SLC44A5: variants seen among roughly 807,000 people sequenced by gnomAD.
SLC44A5 encodes solute carrier family 44 member 5.
Under a neutral mutation model 101.8 loss-of-function variants are expected in SLC44A5, and 57 were observed. That is an observed-to-expected ratio of 0.56 (90% confidence interval 0.45 to 0.70). The LOEUF (loss-of-function observed/expected upper bound fraction) is 0.70. Among genes scored for constraint, SLC44A5 ranks in the 30% least tolerant of loss-of-function variants. SLC44A5 has a pLI of 0.00. For missense variants in SLC44A5, 737 were observed against 853.1 expected, an observed-to-expected ratio of 0.86 and a Z score of 1.70; for synonymous variants, 281 against 290.9, an observed-to-expected ratio of 0.97 and a Z score of 0.35.
At chr1:75,628,465 A>G in the SLC44A5 span, among the ~76,000 whole-genome samples, 1 of 152,120 alleles carries the variant, frequency 6.6e-6, no homozygotes, top group Non-Finnish European at 1.5e-5. Context: ...TTTCTTCCAT[A>G]AGCTGTGTTT....
chr1:75,573,709 T>C (rs1190782111), intron 1 of SLC44A5, among the ~76,000 whole-genome samples: 2 of 152,102 alleles, frequency 1.3e-5, no homozygotes, highest in Admixed American at 1.3e-4. Context: ...CGATTTATTG[T>C]ATGAAACAAG....
In SLC44A5 at chr1:75,363,768, T is replaced by G. The variant is rs893698332; in HGVS notation, c.53-24138A>C. ...TATGTATTACTTATTTGATTGACTT[T>G]TGTACTTTCATGTGTTTTATGTTGT... On this transcript the variant is annotated intron_variant, in intron 3 of 23. Coordinates refer to ENST00000370859, the MANE Select transcript of SLC44A5 (RefSeq NM_001130058.2). 3.3e-5 allele frequency among the ~76,000 whole-genome samples: 5 copies of G among 152,306 alleles called. No homozygotes were observed. The East Asian group carries it at 9.6e-4, about 29-fold the overall frequency.
the SLC44A5 span, among the ~76,000 whole-genome samples, chr1:75,680,673 T>C: frequency 6.6e-6 from 1 of 150,740 alleles, no homozygotes; most frequent in African/African-American, 2.4e-5. Context: ...AGATCCAAAA[T>C]TGACACCCTA....
At chr1:75,323,051 A>G (rs1408705381) in intron 4 of SLC44A5, among the ~76,000 whole-genome samples, 1 of 150,316 alleles carries the variant, frequency 6.7e-6, no homozygotes, top group African/African-American at 2.5e-5. Context: ...CTAACTCGTC[A>G]TCTAGCATTA....
chr1:75,445,637 G>C (rs920735085), intron 2 of SLC44A5, among the ~76,000 whole-genome samples: 1 of 126,304 alleles, frequency 7.9e-6, no homozygotes, highest in African/African-American at 2.9e-5. Context: ...TCAGTCCTCA[G>C]ATATCTTCTT....
chr1:75,677,960 G>A, the SLC44A5 span: 1 of 195,616 alleles, frequency 5.1e-6, no homozygotes, highest in African/African-American at 2.4e-5. Context: ...GAAGTGCAAG[G>A]GGTCAGGGAG....
intron 1 of SLC44A5, among the ~76,000 whole-genome samples, chr1:75,543,112 G>A (rs918131021): frequency 6.4e-4 from 97 of 152,006 alleles, no homozygotes; most frequent in African/African-American, 2.2e-3. Flanking sequence ...CTTTATCAAA[G>A]GATCAGTTAG....
At chr1:75,350,203 G>T (rs1658541855) in intron 3 of SLC44A5, among the ~76,000 whole-genome samples, 1 of 151,992 alleles carries the variant, frequency 6.6e-6, no homozygotes, top group East Asian at 1.9e-4. Flanking sequence ...CTTATAAGAA[G>T]AGGAAAGGAG....
chr1:75,589,985 G>A (rs890563335), intron 1 of SLC44A5, among the ~76,000 whole-genome samples: 1 of 152,086 alleles, frequency 6.6e-6, no homozygotes, highest in African/African-American at 2.4e-5. Context: ...GGCAGTCTAG[G>A]CCATAAGGAG....
intron 22 of SLC44A5, 39 bp from the exon 23 acceptor site, chr1:75,211,591 C>T: frequency 1.4e-6 from 2 of 1,406,442 alleles, no homozygotes; most frequent in Non-Finnish European, 2.0e-6. Flanking sequence ...ATGTCATTTA[C>T]TTTGACCAGA....
At chr1:75,637,240 G>A in the SLC44A5 span, among the ~76,000 whole-genome samples, 2 of 151,992 alleles carry the variant, frequency 1.3e-5, no homozygotes, top group African/African-American at 4.8e-5. Context: ...ATTCACAGTA[G>A]CCAAAAGGTG....
At chr1:75,714,472 C>A in the SLC44A5 span, among the ~76,000 whole-genome samples, 2 of 152,080 alleles carry the variant, frequency 1.3e-5, no homozygotes, top group African/African-American at 4.8e-5. Context: ...CAACACAGTA[C>A]TAGAATTCCT....
At chr1:75,271,462 G>A (rs970571741) in intron 6 of SLC44A5, among the ~76,000 whole-genome samples, 3 of 147,514 alleles carry the variant, frequency 2.0e-5, no homozygotes, top group Admixed American at 6.9e-5. Context: ...CCCCCTCCTC[G>A]AGTCCCCTAA....
At chr1:75,564,558 C>T (rs1672684243) in intron 1 of SLC44A5, among the ~76,000 whole-genome samples, 1 of 150,120 alleles carries the variant, frequency 6.7e-6, no homozygotes, top group Admixed American at 6.6e-5. Context: ...TCTTTAACTC[C>T]ATGGCTTCTG....
chr1:75,679,877 G>A, the SLC44A5 span, among the ~76,000 whole-genome samples: 1 of 152,154 alleles, frequency 6.6e-6, no homozygotes, highest in Non-Finnish European at 1.5e-5. Flanking sequence ...CATCTCACGT[G>A]CAGAGACACA....
intron 1 of SLC44A5, among the ~76,000 whole-genome samples, chr1:75,601,855 A>G (rs1287373255): frequency 3.3e-5 from 5 of 152,118 alleles, no homozygotes; most frequent in Non-Finnish European, 7.4e-5. Flanking sequence ...TGGTCTGACA[A>G]TGACAGTTCT....
At chr1:75,277,859 A>C (rs1471153026) in intron 5 of SLC44A5, among the ~76,000 whole-genome samples, 1 of 152,174 alleles carries the variant, frequency 6.6e-6, no homozygotes, top group East Asian at 1.9e-4. Context: ...CCTCTGGCAC[A>C]GAAGTTGTGC....
Position 75,213,984 on chromosome 1 carries a change from G to A in SLC44A5, c.1808C>T (p.Ala603Val), listed in dbSNP as rs1646911617. ...AAAGTATGTAACTTCATCTGTAACTGCAACTCTGAGTATCAGAAAAAAAGA... is the reference window on the plus strand; with the variant it reads ...AAAGTATGTAACTTCATCTGTAACTACAACTCTGAGTATCAGAAAAAAAGA... ...NLLMRNVLKV[A>V]VTDEVTYFVL... The change falls in exon 21 of 24, where the codon GCA becomes GTA. Residue 603 changes from alanine to valine, a missense_variant. By Grantham distance (64) the Ala-to-Val change is moderately conservative. This residue lies in a region of SLC44A5 where 665 missense variants were observed against 764.4 expected (regional missense o/e 0.87). Coordinates refer to ENST00000370859, the MANE Select transcript of SLC44A5 (RefSeq NM_001130058.2). 1 of 1,572,934 alleles carries A rather than the reference G, an allele frequency of 6.4e-7. No individual in the cohort carries two copies. The highest frequency in any genetic ancestry group is 1.8e-5 in the Admixed American group (1 of 55,524).
chr1:75,240,062 T>G (rs1648482136), intron 9 of SLC44A5, among the ~76,000 whole-genome samples: 1 of 152,100 alleles, frequency 6.6e-6, no homozygotes, highest in Non-Finnish European at 1.5e-5. Context: ...GATAATCTCA[T>G]GCAATCTGTT....
Sources: gnomAD v4.1 joint callset for allele counts (sites outside exome capture counted in the v4.1 genomes callset) on GRCh38, gnomAD v4.1.1 for gene constraint, gnomAD v4.1.1 regional missense constraint, MANE v1.5 for transcripts, NCBI Gene and HGNC (gene_info 2026-07-23, HGNC 2026-07-21) for gene names.